Variants in PRR5L observed in about 807,000 individuals in gnomAD.
PRR5L encodes the protein proline rich 5 like.
In PRR5L, 21 loss-of-function variants were observed where a neutral mutation model predicts 36.4. The ratio of observed to expected loss-of-function variants is 0.58; its 90% CI spans 0.41 to 0.83. The LOEUF is 0.83. Among genes scored for constraint, PRR5L ranks in the 40% least tolerant of loss-of-function variants. The pLI, the probability that PRR5L is intolerant of heterozygous loss-of-function variation, is 0.00. For synonymous variants in PRR5L, 188 were observed against 197.0 expected (o/e 0.95, Z 0.38); for missense variants, 381 against 473.3 (o/e 0.80, Z 1.81).
chr11:36,457,750 C>T (rs1859094467), intron 8 of PRR5L, among the ~76,000 whole-genome samples: 1 of 152,222 alleles, frequency 6.6e-6, no homozygotes, highest in Non-Finnish European at 1.5e-5. Context: ...CTCAGAGGCC[C>T]AGACATCTGC....
At chr11:36,459,270 G>A (rs1859129025) in intron 8 of PRR5L, among the ~76,000 whole-genome samples, 1 of 152,120 alleles carries the variant, frequency 6.6e-6, no homozygotes, top group Non-Finnish European at 1.5e-5. Flanking sequence ...GACTTCTCTG[G>A]GACCAAGGGA....
chr11:36,436,243 G>A (rs938706850), intron 5 of PRR5L, among the ~76,000 whole-genome samples: 13 of 152,320 alleles, frequency 8.5e-5, no homozygotes, highest in Middle Eastern at 3.4e-3. Flanking sequence ...TGCCAAACGC[G>A]TCTCTCAGTG....
intron 3 of PRR5L, among the ~76,000 whole-genome samples, chr11:36,406,294 T>G (rs1319930645): frequency 6.6e-6 from 1 of 152,088 alleles, no homozygotes; most frequent in Non-Finnish European, 1.5e-5. Flanking sequence ...TACATATGGT[T>G]GAGGTTTGAA....
intron 1 of PRR5L, among the ~76,000 whole-genome samples, chr11:36,329,845 C>A (rs568174420): frequency 1.3e-5 from 2 of 152,166 alleles, no homozygotes; most frequent in Non-Finnish European, 2.9e-5. Flanking sequence ...GAGACTGCCA[C>A]AAAAGTGACC....
chr11:36,443,323 C>T (rs1464638076), intron 6 of PRR5L, among the ~76,000 whole-genome samples: 4 of 152,146 alleles, frequency 2.6e-5, no homozygotes, highest in Non-Finnish European at 5.9e-5. Flanking sequence ...AAGGGGAGGG[C>T]ACCTAAGCCA....
intron 5 of PRR5L, among the ~76,000 whole-genome samples, chr11:36,433,433 CTTATTT>C (rs1348810597): frequency 2.0e-5 from 3 of 152,210 alleles, no homozygotes; most frequent in African/African-American, 4.8e-5. Context: ...GGATTCCCTT[CTTATTT>C]TAAGGCTAAT....
chr11:36,338,048 T>C (rs756797453), intron 1 of PRR5L, among the ~76,000 whole-genome samples: 1 of 152,192 alleles, frequency 6.6e-6, no homozygotes, highest in South Asian at 2.1e-4. Flanking sequence ...TTCCTTTAAG[T>C]CTTATTCTTT....
chr11:36,436,224 G>C (rs1368909018), intron 5 of PRR5L, among the ~76,000 whole-genome samples: 1 of 152,228 alleles, frequency 6.6e-6, no homozygotes, highest in Non-Finnish European at 1.5e-5. Flanking sequence ...AGTGGAACTG[G>C]CAGTGTCTTG....
At position 36,344,548 on chromosome 11, in the gene PRR5L, C is replaced by T. The variant is rs768645519; in HGVS notation, c.-126+48110C>T. ...GCTATTGTCAATAACAACAAAACGG[C>T]CATCTCTGAAGGTGATTTTTGTTTA... On this transcript the variant is annotated intron_variant, in intron 1 of 8. Coordinates refer to ENST00000530639, the MANE Select transcript of PRR5L (RefSeq NM_001160167.2). This position sits in a 1 kb window ranked among gnomAD's most constrained non-coding sequence, Gnocchi z 4.1. Among the ~76,000 whole-genome samples, 3 of 152,144 alleles carry T rather than the reference C, an allele frequency of 2.0e-5. No homozygotes were observed. The highest frequency in any genetic ancestry group is 6.5e-5 in the Admixed American group (1 of 15,268).
intron 7 of PRR5L, among the ~76,000 whole-genome samples, chr11:36,447,393 A>G (rs1222327042): frequency 6.6e-6 from 1 of 152,202 alleles, no homozygotes; most frequent in Non-Finnish European, 1.5e-5. Context: ...TCTTTGCCCA[A>G]TCAGCCATGA....
chr11:36,325,738 C>T (rs1856655857), intron 1 of PRR5L, among the ~76,000 whole-genome samples: 1 of 152,172 alleles, frequency 6.6e-6, no homozygotes, highest in Non-Finnish European at 1.5e-5. Context: ...CCTGGGAAAT[C>T]CAGCTACTCC....
chr11:36,315,264 A>C (rs1251306239), intron 1 of PRR5L, among the ~76,000 whole-genome samples: 4 of 152,232 alleles, frequency 2.6e-5, no homozygotes, highest in African/African-American at 9.6e-5. Context: ...AGTCTAGTCC[A>C]ATGTAAGAAT....
intron 3 of PRR5L, among the ~76,000 whole-genome samples, chr11:36,408,397 C>A (rs1336465108): frequency 1.4e-5 from 2 of 145,366 alleles, no homozygotes; most frequent in Non-Finnish European, 3.0e-5. Context: ...CAGAATATTT[C>A]CCATTGAAAC....
At chr11:36,381,617 A>G (rs1286150792) in intron 1 of PRR5L, 1 of 152,056 alleles carries the variant, frequency 6.6e-6, no homozygotes, top group Non-Finnish European at 1.5e-5. Flanking sequence ...CTTCTCTGGA[A>G]CTGGCTCAAT....
intron 1 of PRR5L, among the ~76,000 whole-genome samples, chr11:36,375,256 G>C (rs1454800476): frequency 6.7e-6 from 1 of 150,100 alleles, no homozygotes; most frequent in Non-Finnish European, 1.5e-5. Flanking sequence ...AAAAGATTTT[G>C]TTTCCCAGGC....
chr11:36,437,550 G>A, intron 6 of PRR5L, 74 bp downstream of exon 6: 4 of 883,980 alleles, frequency 4.5e-6, no homozygotes, highest in Non-Finnish European at 7.1e-6. Context: ...CGGCCTGAGG[G>A]CTCCTGGTAA....
chr11:36,352,247 C>T (rs557671770), intron 1 of PRR5L, among the ~76,000 whole-genome samples: 2 of 152,146 alleles, frequency 1.3e-5, no homozygotes, highest in South Asian at 4.1e-4. Flanking sequence ...ATTGTCTCTC[C>T]ATGTTCTTAG....
intron 3 of PRR5L, among the ~76,000 whole-genome samples, chr11:36,408,317 C>G (rs1422359501): frequency 6.6e-6 from 1 of 151,864 alleles, no homozygotes; most frequent in Non-Finnish European, 1.5e-5. Flanking sequence ...CGTCTCACCT[C>G]AATATAGCGG....
chr11:36,419,778 A>G (rs1858223272), intron 4 of PRR5L, among the ~76,000 whole-genome samples: 1 of 152,206 alleles, frequency 6.6e-6, no homozygotes, highest in South Asian at 2.1e-4. Context: ...ATTTGTAATG[A>G]TATTGCATGC....
Sources: allele counts gnomAD v4.1 joint callset (sites outside exome capture counted in the v4.1 genomes callset), GRCh38; gene constraint gnomAD v4.1.1; non-coding constraint Gnocchi (gnomAD v3.1); transcripts MANE v1.5; gene names NCBI Gene and HGNC (gene_info 2026-07-23, HGNC 2026-07-21).